TSNARE1: variants seen among roughly 807,000 people sequenced by gnomAD.
TSNARE1 encodes the protein t-SNARE domain containing 1.
Under a neutral mutation model 62.0 loss-of-function variants are expected in TSNARE1, and 49 were observed. The ratio of observed to expected loss-of-function variants is 0.79; its 90% CI spans 0.63 to 1.00. TSNARE1 has a LOEUF of 1.00. Ranked by LOEUF, TSNARE1 falls within the 50% of genes least tolerant of loss-of-function variation. TSNARE1 has a pLI of 0.00. For missense variants in TSNARE1, 755 were observed against 700.1 expected (o/e 1.08, Z -0.88); for synonymous variants, 328 against 294.4 (o/e 1.11, Z -1.17).
chr8:142,280,216 G>C, intron 11 of TSNARE1: 1 of 985,392 alleles, frequency 1.0e-6, no homozygotes, highest in Non-Finnish European at 1.2e-6. Context: ...GCGGGAGTGG[G>C]GGCCCGGCCG....
intron 1 of TSNARE1, among the ~76,000 whole-genome samples, chr8:142,365,598 A>ACATG (rs1554674575): frequency 4.3e-5 from 5 of 116,308 alleles, no homozygotes; most frequent in Non-Finnish European, 6.8e-5. Flanking sequence ...AAACACATGC[A>ACATG]CACGCACACA....
At chr8:142,332,944 G>T (rs1831260994) in intron 4 of TSNARE1, among the ~76,000 whole-genome samples, 1 of 152,232 alleles carries the variant, frequency 6.6e-6, no homozygotes. Flanking sequence ...AGATACCGGG[G>T]AAGGGACAGC....
chr8:142,357,041 C>A (rs1227540754), intron 1 of TSNARE1, among the ~76,000 whole-genome samples: 5 of 151,892 alleles, frequency 3.3e-5, no homozygotes, highest in African/African-American at 1.2e-4. Flanking sequence ...AGAGCGGGGG[C>A]CTCCAGAAAC....
rs751366349 is a variant in TSNARE1, at chr8:142,314,982, CT to C, written c.1074+20del. 2 of 1,613,502 alleles carry C rather than the reference CT, an allele frequency of 1.2e-6. No individual in the cohort carries two copies. The highest frequency in any genetic ancestry group is 4.5e-5 in the East Asian group (2 of 44,874). ...ACCCCACCTGGCCTGCAGACCCCCA[CT>C]GCCCCCACCAGCACCTCACCTTCTG... On this transcript the variant is annotated intron_variant, in intron 8 of 13. Coordinates refer to ENST00000524325, the MANE Select transcript of TSNARE1 (RefSeq NM_145003.5).
intron 9 of TSNARE1, among the ~76,000 whole-genome samples, chr8:142,304,832 G>C (rs531848821): frequency 2.6e-5 from 4 of 152,306 alleles, no homozygotes; most frequent in African/African-American, 9.6e-5. Context: ...GTTCCTCCCA[G>C]GGGGGACATG....
At chr8:142,314,799 T>G (rs1254895750) in intron 8 of TSNARE1, among the ~76,000 whole-genome samples, 1 of 152,192 alleles carries the variant, frequency 6.6e-6, no homozygotes. Context: ...CTCTTGAAGG[T>G]AAATGTCCTC....
At chr8:142,350,320 G>A (rs763523091) in intron 2 of TSNARE1, among the ~76,000 whole-genome samples, 2 of 152,212 alleles carry the variant, frequency 1.3e-5, no homozygotes, top group Admixed American at 1.3e-4. Flanking sequence ...AAAGGCTATT[G>A]TGTACAATTT....
At chr8:142,359,745 G>A (rs979059338) in intron 1 of TSNARE1, among the ~76,000 whole-genome samples, 2 of 152,150 alleles carry the variant, frequency 1.3e-5, no homozygotes, top group African/African-American at 4.8e-5. Flanking sequence ...CACTTGTGAG[G>A]CAGGACTTAT....
chr8:142,235,113 G>A (rs1176955268), intron 12 of TSNARE1, among the ~76,000 whole-genome samples: 7 of 152,186 alleles, frequency 4.6e-5, no homozygotes. Context: ...CTTGGGGCTG[G>A]AGGGACCAAG....
chr8:142,309,490 G>A (rs1043808079), intron 9 of TSNARE1, among the ~76,000 whole-genome samples: 3 of 152,248 alleles, frequency 2.0e-5, no homozygotes, highest in Admixed American at 2.0e-4. Context: ...TTTATCGAGT[G>A]CTTTTTTCTA....
rs116189501 is a variant in TSNARE1 at position 142,396,223 on chromosome 8, C to T, written c.-40+6881G>A. Among the ~76,000 whole-genome samples, 668 of 152,040 alleles carry T rather than the reference C, an allele frequency of 4.4e-3. 7 individuals carry two copies. Among genetic ancestry groups the T allele is most frequent in the African/African-American group, 0.015 (621 of 41,476 alleles). On this transcript the variant is annotated intron_variant, in intron 1 of 13. Transcript: ENST00000524325. ...GATGACACCCAGGGTCAGGCTCAGG[C>T]GATAAACACAAACACACACACACAC... is the stretch of plus-strand genomic sequence containing the variant.
intron 12 of TSNARE1, among the ~76,000 whole-genome samples, chr8:142,236,022 G>A (rs778502312): frequency 1.3e-5 from 2 of 152,184 alleles, no homozygotes; most frequent in Non-Finnish European, 2.9e-5. Context: ...CCCAGGCTGT[G>A]CAGGATGCTG....
intron 4 of TSNARE1, 137 bp downstream of exon 4, chr8:142,343,829 G>GAGAGGAGGAGGGA: frequency 1.6e-6 from 1 of 619,006 alleles, no homozygotes. Flanking sequence ...AGGAGGAGGG[G>GAGAGGAGGAGGGA]AGAGGGGAAG....
chr8:142,247,268 C>G (rs984463897), intron 12 of TSNARE1, among the ~76,000 whole-genome samples: 1 of 152,288 alleles, frequency 6.6e-6, no homozygotes, highest in Non-Finnish European at 1.5e-5. Context: ...GCTCTGGGGG[C>G]GCTACTGCCC....
intron 11 of TSNARE1, chr8:142,275,169 C>A: frequency 1.0e-6 from 1 of 985,330 alleles, no homozygotes; most frequent in Non-Finnish European, 1.2e-6. Context: ...GAGGTGAGGG[C>A]TGGGGTCAAG....
chr8:142,305,478 C>T (rs1054271867), intron 9 of TSNARE1, among the ~76,000 whole-genome samples: 9 of 152,090 alleles, frequency 5.9e-5, no homozygotes, highest in East Asian at 1.9e-4. Flanking sequence ...CCCAGGAAGG[C>T]GGCAGGGCTG....
intron 12 of TSNARE1, among the ~76,000 whole-genome samples, chr8:142,254,691 C>G (rs1049793103): frequency 1.3e-5 from 2 of 152,214 alleles, no homozygotes; most frequent in Non-Finnish European, 2.9e-5. Flanking sequence ...GGCCTGGACT[C>G]GAACCCTGGC....
chr8:142,397,867 T>C (rs1838007945), intron 1 of TSNARE1, among the ~76,000 whole-genome samples: 1 of 152,150 alleles, frequency 6.6e-6, no homozygotes, highest in African/African-American at 2.4e-5. Flanking sequence ...GCATGGAGCC[T>C]GGCCCCTGCA....
chr8:142,236,323 G>A (rs1330543094), intron 12 of TSNARE1, among the ~76,000 whole-genome samples: 1 of 151,920 alleles, frequency 6.6e-6, no homozygotes. Flanking sequence ...AGAGGCAGGA[G>A]GTGGGGAGCC....
Sources: gnomAD v4.1 joint callset for allele counts (sites outside exome capture counted in the v4.1 genomes callset) on GRCh38, gnomAD v4.1.1 for gene constraint, MANE v1.5 for transcripts, NCBI Gene and HGNC (gene_info 2026-07-23, HGNC 2026-07-21) for gene names.